The following AGFG2 variants were observed in gnomAD, a reference collection of about 807,000 sequenced individuals.
AGFG2 encodes arf-GAP domain and FG repeat-containing protein 2.
Under a neutral mutation model 48.0 loss-of-function variants are expected in AGFG2, and 31 were observed. The ratio of observed to expected loss-of-function variants is 0.65; its 90% CI spans 0.49 to 0.87. The LOEUF (loss-of-function observed/expected upper bound fraction) is 0.87, where lower values mean the gene tolerates loss of function less well. AGFG2 is among the 40% of genes least tolerant of loss of function. The pLI is 0.00. For missense variants in AGFG2, 599 were observed against 632.6 expected (o/e 0.95, Z 0.57); for synonymous variants, 229 against 260.8 (o/e 0.88, Z 1.18).
chr7:100,559,838 G>T (rs1485776159), intron 6 of AGFG2, among the ~76,000 whole-genome samples: 3 of 150,796 alleles, frequency 2.0e-5, no homozygotes, highest in Middle Eastern at 3.5e-3. Context: ...AAAAAAAAGT[G>T]CATGAAATGA....
At chr7:100,564,873 T>C in intron 11 of AGFG2, 59 bp from the exon 12 acceptor site, 3 of 1,585,736 alleles carry the variant, frequency 1.9e-6, no homozygotes, top group Non-Finnish European at 2.6e-6. Flanking sequence ...TGGCTGCCTT[T>C]CTTCTAAGCT....
chr7:100,555,355 G>C (rs1327964489), intron 5 of AGFG2, among the ~76,000 whole-genome samples: 1 of 129,688 alleles, frequency 7.7e-6, no homozygotes, highest in Non-Finnish European at 1.6e-5. Flanking sequence ...CTCACTGCTA[G>C]CTCCACCTCC....
In AGFG2 at chr7:100,564,955, C is replaced by G; in HGVS notation, c.1410C>G (p.Phe470Leu). 1.2e-6 allele frequency: 2 copies of G among 1,614,162 alleles called. No individual in the cohort carries two copies. The highest frequency in any genetic ancestry group is 1.7e-6 in the Non-Finnish European group (2 of 1,180,022). Residue 470 changes from phenylalanine (F) to leucine (L), a missense_variant, in exon 12 of 12, where the codon TTC (phenylalanine) becomes TTG (leucine). Transcript: ENST00000300176. The stretch of plus-strand genomic sequence containing the variant: ...AGACTGGACCCTCATCAAGCCCATT[C>G]GCCTCCAAACCTCCAACCACCAACC... ...PFMTGPSSSP[F>L]ASKPPTTNPF...
In AGFG2 at chr7:100,539,388, G is replaced by C. The variant is rs1800374230; in HGVS notation, c.42G>C (p.Gly14=). 7.7e-7 allele frequency: 1 copy of C among 1,299,440 alleles called. No homozygotes were observed. 80.5% of individuals were successfully genotyped at this position (1,299,440 alleles called of 1,614,324 possible). A position where few individuals can be genotyped will look rare whatever the true frequency, so the allele number is the denominator to read the frequency against. Residue 14 remains glycine, a synonymous_variant, in exon 1 of 12, where the codon GGG becomes GGC. Coordinates refer to ENST00000300176, the MANE Select transcript of AGFG2 (RefSeq NM_006076.5). ...AAKKGPGPGG[G]VSGGKAEAEA... ...AGAAGGGCCCGGGCCCGGGCGGCGG[G>C]GTCAGCGGGGGCAAGGCGGAGGCGG...
chr7:100,539,447 G>C lies in AGFG2; in HGVS notation c.101G>C (p.Arg34Pro). The change falls in exon 1 of 12, where the codon CGG (arginine) becomes CCG (proline). Residue 34 changes from arginine to proline, a missense_variant. Arg to Pro is a moderately radical substitution (Grantham distance 103). Coordinates refer to ENST00000300176, the MANE Select transcript of AGFG2 (RefSeq NM_006076.5). ...AASEVWCRRV[R>P]ELGGCSQAGN... ...TCGGAGGTGTGGTGCCGTCGGGTGC[G>C]GGAGCTGGGTGGCTGCAGCCAGGCC... 2 of 1,324,800 alleles carry C rather than the reference G, an allele frequency of 1.5e-6. No homozygotes were observed. Among genetic ancestry groups the C allele is most frequent in the Non-Finnish European group, 1.9e-6 (2 of 1,033,786 alleles). 82.1% of individuals were successfully genotyped at this position (1,324,800 alleles called of 1,614,324 possible).
At chr7:100,558,086 C>A (rs758949499) in intron 6 of AGFG2, among the ~76,000 whole-genome samples, 1 of 151,872 alleles carries the variant, frequency 6.6e-6, no homozygotes. Context: ...TGGTGGCAGG[C>A]GCCTGTAATA....
At chr7:100,561,774 G>A (rs566346061) in intron 6 of AGFG2, among the ~76,000 whole-genome samples, 1 of 152,230 alleles carries the variant, frequency 6.6e-6, no homozygotes, top group South Asian at 2.1e-4. Flanking sequence ...GCTAAATGGG[G>A]AAGGGACAGT....
chr7:100,550,642 T>A, intron 3 of AGFG2, 131 bp downstream of exon 3: 1 of 645,844 alleles, frequency 1.5e-6, no homozygotes, highest in Non-Finnish European at 2.7e-6. Flanking sequence ...CCACTCACAT[T>A]CAGTTACGGC....
chr7:100,561,111 A>C (rs1584391017), intron 6 of AGFG2, among the ~76,000 whole-genome samples: 6 of 132,104 alleles, frequency 4.5e-5, no homozygotes, highest in African/African-American at 8.7e-5. Context: ...GAGCCACCAC[A>C]CCTGGCCAGA....
intron 9 of AGFG2, 130 bp downstream of exon 9, chr7:100,563,076 C>A: frequency 1.1e-6 from 1 of 936,758 alleles, no homozygotes; most frequent in Non-Finnish European, 1.6e-6. Flanking sequence ...CTTCCCCTGC[C>A]CACACGGTGC....
chr7:100,540,876 G>T (rs1367570065), intron 1 of AGFG2, among the ~76,000 whole-genome samples: 1 of 151,994 alleles, frequency 6.6e-6, no homozygotes, highest in African/African-American at 2.4e-5. Flanking sequence ...CCTGGGTGTG[G>T]TGGCGCGCAC....
chr7:100,551,657 G>A (rs1333634040), intron 3 of AGFG2, among the ~76,000 whole-genome samples: 4 of 151,412 alleles, frequency 2.6e-5, no homozygotes, highest in Non-Finnish European at 4.4e-5. Flanking sequence ...GCTGAGGTGG[G>A]CAGACCACTT....
At chr7:100,564,855 A>G in intron 11 of AGFG2, 77 bp from the exon 12 acceptor site, 1 of 1,517,492 alleles carries the variant, frequency 6.6e-7, no homozygotes, top group Non-Finnish European at 9.2e-7. Context: ...TTCAGGAGAA[A>G]GGACTCCTGG....
chr7:100,550,336 T>C, intron 2 of AGFG2, 60 bp from the exon 3 acceptor site: 1 of 505,190 alleles, frequency 2.0e-6, no homozygotes, highest in Admixed American at 3.9e-5. Flanking sequence ...AAAAAGGAAG[T>C]GGTATTTTTT....
In AGFG2 at chr7:100,562,641, T is replaced by C. The variant is rs17855473; in HGVS notation, c.1046T>C (p.Met349Thr). Residue 349 changes from methionine (M) to threonine (T), a missense_variant, in exon 8 of 12, where the codon ATG becomes ACG. By Grantham distance (81) the Met-to-Thr change is moderately conservative (BLOSUM62 -1). Transcript: ENST00000300176. The surrounding 1 kb of genome is among the most constrained non-coding windows in gnomAD (Gnocchi z 5.4). ...GTCCCCCCGCTCCAGTCTGTCACGA[T>C]GGGCGGCGGCGGCGGCAGCAGCACA... ...GQVPPLQSVT[M>T]GGGGGSSTGL... is the part of the protein sequence containing the mutation. 290,455 of 1,611,180 alleles carry C rather than the reference T, an allele frequency of 0.18. 28,322 individuals are homozygous for C. The highest frequency in any genetic ancestry group is 0.32 in the African/African-American group (24,292 of 74,914).
At chr7:100,551,068 T>TATATATATA (rs1800632184) in intron 3 of AGFG2, among the ~76,000 whole-genome samples, 4 of 59,210 alleles carry the variant, frequency 6.8e-5, no homozygotes, top group Admixed American at 1.8e-4. Context: ...ATATATATAT[T>TATATATATA]TCTTTTTTTT....
intron 3 of AGFG2, among the ~76,000 whole-genome samples, chr7:100,552,416 G>A (rs535633493): frequency 5.3e-5 from 8 of 152,240 alleles, no homozygotes; most frequent in African/African-American, 1.7e-4. Context: ...TGAGTGTCCC[G>A]TCCTCTGATT....
chr7:100,539,896 A>G (rs1231033663), intron 1 of AGFG2, among the ~76,000 whole-genome samples: 1 of 151,914 alleles, frequency 6.6e-6, no homozygotes, highest in African/African-American at 2.4e-5. Context: ...GATGGAAGGG[A>G]ACTCGGAGTG....
At position 100,566,051 on chromosome 7, in the gene AGFG2, A is replaced by G. The variant is rs963936844; in HGVS notation, c.*1060A>G. 5.9e-5 allele frequency: 9 copies of G among 152,558 alleles called. No homozygotes were observed. The highest frequency in any genetic ancestry group is 1.2e-4 in the Non-Finnish European group (8 of 68,040). 9.5% of individuals were successfully genotyped at this position (152,558 alleles called of 1,614,324 possible). A position where few individuals can be genotyped will look rare whatever the true frequency, so the allele number is the denominator to read the frequency against. On this transcript the variant is annotated 3_prime_UTR_variant, in exon 12 of 12. Coordinates refer to ENST00000300176, the MANE Select transcript of AGFG2 (RefSeq NM_006076.5). The stretch of plus-strand genomic sequence containing the variant: ...TTTGAGGGGTTGCAGGTCAGTCAAC[A>G]TGACTGATCCTTGACCTGGCTCTGC...
Sources: allele counts gnomAD v4.1 joint callset (sites outside exome capture counted in the v4.1 genomes callset), GRCh38; gene constraint gnomAD v4.1.1; non-coding constraint Gnocchi (gnomAD v3.1); transcripts MANE v1.5; gene names NCBI Gene and HGNC (gene_info 2026-07-23, HGNC 2026-07-21).